Variants in ADAMTSL3 observed in about 807,000 individuals in gnomAD.
The protein encoded by ADAMTSL3 is ADAMTS-like protein 3.
Under a neutral mutation model 201.7 loss-of-function variants are expected in ADAMTSL3, and 128 were observed. That is an observed-to-expected ratio of 0.63 (90% confidence interval 0.55 to 0.73). ADAMTSL3 has a LOEUF of 0.73. Ranked by LOEUF, ADAMTSL3 falls within the 30% of genes least tolerant of loss-of-function variation. The pLI is 0.00. For missense variants in ADAMTSL3, 1,990 were observed against 2,119.6 expected (o/e 0.94, Z 1.20); for synonymous variants, 738 against 748.4 (o/e 0.99, Z 0.23).
At chr15:83,860,937 C>T (rs555499074) in intron 8 of ADAMTSL3, among the ~76,000 whole-genome samples, 20 of 152,286 alleles carry the variant, frequency 1.3e-4, no homozygotes, top group East Asian at 9.7e-4. Context: ...GGGTGACAGA[C>T]GGCACCTGGA....
At chr15:83,856,481 C>G (rs1040645299) in intron 7 of ADAMTSL3, among the ~76,000 whole-genome samples, 2 of 152,056 alleles carry the variant, frequency 1.3e-5, no homozygotes, top group African/African-American at 4.8e-5. Flanking sequence ...CTGGCCCCCT[C>G]CTTTTTTTTA....
intron 7 of ADAMTSL3, among the ~76,000 whole-genome samples, chr15:83,844,127 C>T (rs939913739): frequency 3.3e-5 from 5 of 152,204 alleles, no homozygotes; most frequent in African/African-American, 1.2e-4. Context: ...ACAAGATCGG[C>T]TTGTCTATTC....
At chr15:83,862,446 G>T (rs993608094) in intron 8 of ADAMTSL3, 1 of 152,204 alleles carries the variant, frequency 6.6e-6, no homozygotes, top group Non-Finnish European at 1.5e-5. Context: ...CAAGCCAGAA[G>T]AGAGTGGGGG....
chr15:83,992,642 C>CA (rs1318740476), intron 23 of ADAMTSL3, among the ~76,000 whole-genome samples: 1 of 152,184 alleles, frequency 6.6e-6, no homozygotes. Context: ...TTCACTTCCA[C>CA]AATACTTGAA....
intron 2 of ADAMTSL3, among the ~76,000 whole-genome samples, chr15:83,688,363 A>G (rs2061565006): frequency 6.6e-6 from 1 of 152,250 alleles, no homozygotes; most frequent in African/African-American, 2.4e-5. Context: ...CCATAACATG[A>G]AAAGAAAGCC....
At chr15:83,819,680 G>C in intron 5 of ADAMTSL3, 131 bp from the exon 6 acceptor site, 1 of 530,712 alleles carries the variant, frequency 1.9e-6, no homozygotes, top group South Asian at 2.8e-5. Context: ...AAAAAAAAAA[G>C]AGGGAATTAG....
chr15:83,655,962 A>G lies in ADAMTSL3; in HGVS notation c.69+132A>G, dbSNP rs1436892409. 9.5e-6 allele frequency: 9 copies of G among 952,162 alleles called. No homozygotes were observed. In the South Asian group the frequency reaches 9.6e-5, roughly 10 times the overall value. The allele number at this position is 952,162 out of a possible 1,614,324, so 59.0% of individuals were successfully genotyped here. ...ACCAGAGAACCAGACTTTCTTTCCT[A>G]TCTCTAGCCAATGGTATTTCTGGTT... On this transcript the variant is annotated intron_variant, in intron 2 of 29. Transcript: ENST00000286744.
rs913262878 is a variant in ADAMTSL3, at chr15:83,885,274, C to T, written c.1072+62C>T. 12 of 1,293,830 alleles carry T rather than the reference C, an allele frequency of 9.3e-6. No individual in the cohort carries two copies. The African/African-American group carries it at 1.8e-4, about 19-fold the overall frequency. The allele number at this position is 1,293,830 out of a possible 1,614,324, so 80.1% of individuals were successfully genotyped here. On this transcript the variant is annotated intron_variant, in intron 10 of 29. Transcript: ENST00000286744. The stretch of plus-strand genomic sequence containing the variant: ...CAGAGTTAGATAAATTAGACATTTA[C>T]ATTTTTGAAGCTGATTTTAAAATTG...
intron 3 of ADAMTSL3, among the ~76,000 whole-genome samples, chr15:83,743,386 G>A (rs1442272954): frequency 3.3e-5 from 5 of 151,718 alleles, no homozygotes; most frequent in African/African-American, 4.8e-5. Context: ...GGTGGCGGGC[G>A]CCTGTAGTCC....
chr15:83,695,252 G>GTGTGTT (rs1567078480), intron 2 of ADAMTSL3, among the ~76,000 whole-genome samples: 6 of 41,674 alleles, frequency 1.4e-4, no homozygotes, highest in African/African-American at 4.8e-4. Context: ...GTGTGTGTGT[G>GTGTGTT]TGTGTGTGTG....
intron 20 of ADAMTSL3, among the ~76,000 whole-genome samples, chr15:83,973,042 A>T (rs1425159767): frequency 6.6e-6 from 1 of 152,140 alleles, no homozygotes; most frequent in Non-Finnish European, 1.5e-5. Context: ...CTTCTTCAGG[A>T]CACACCACCA....
intron 16 of ADAMTSL3, among the ~76,000 whole-genome samples, chr15:83,920,461 C>A (rs531371431): frequency 6.6e-6 from 1 of 152,182 alleles, no homozygotes; most frequent in African/African-American, 2.4e-5. Flanking sequence ...TGAAGTGCTA[C>A]AAAACTTGCA....
chr15:83,891,442 T>A, intron 12 of ADAMTSL3, 63 bp downstream of exon 12: 1 of 1,371,954 alleles, frequency 7.3e-7, no homozygotes, highest in South Asian at 1.2e-5. Flanking sequence ...CTGTAGCATC[T>A]GTAGCAATAG....
At chr15:83,791,403 C>G (rs2063342522) in intron 4 of ADAMTSL3, among the ~76,000 whole-genome samples, 1 of 152,126 alleles carries the variant, frequency 6.6e-6, no homozygotes, top group Non-Finnish European at 1.5e-5. Flanking sequence ...TCCGATGGAA[C>G]AGTATACAGA....
intron 15 of ADAMTSL3, among the ~76,000 whole-genome samples, chr15:83,909,641 G>C (rs1388067416): frequency 3.3e-5 from 5 of 151,908 alleles, no homozygotes; most frequent in Non-Finnish European, 7.4e-5. Context: ...TTGAGGTGGA[G>C]TCTCACTGTG....
intron 6 of ADAMTSL3, among the ~76,000 whole-genome samples, chr15:83,831,682 A>G (rs764812792): frequency 6.6e-6 from 1 of 152,052 alleles, no homozygotes; most frequent in African/African-American, 2.4e-5. Flanking sequence ...GTGTGCCACC[A>G]CTGGCTAATT....
intron 8 of ADAMTSL3, among the ~76,000 whole-genome samples, chr15:83,866,273 G>A (rs140348208): frequency 2.0e-5 from 3 of 152,128 alleles, no homozygotes; most frequent in African/African-American, 7.2e-5. Context: ...ATACCCAAAG[G>A]ATTATAAATC....
chr15:84,038,324 A>G lies in ADAMTSL3; in HGVS notation c.*518A>G, dbSNP rs2068546594. On this transcript the variant is annotated 3_prime_UTR_variant, in exon 30 of 30. Transcript: ENST00000286744. ...ATAGATCCTTGGTTTAGTCTGTGAA[A>G]AAGAAACCATCTCTCTGGATAGGCT... is the stretch of plus-strand genomic sequence containing the variant. 6.5e-6 allele frequency: 1 copy of G among 152,886 alleles called. No individual in the cohort carries two copies. The highest frequency in any genetic ancestry group is 6.5e-5 in the Admixed American group (1 of 15,364). 9.5% of individuals were successfully genotyped at this position (152,886 alleles called of 1,614,324 possible).
chr15:83,695,425 C>T (rs1383997887), intron 2 of ADAMTSL3, among the ~76,000 whole-genome samples: 1 of 151,872 alleles, frequency 6.6e-6, no homozygotes, highest in Admixed American at 6.6e-5. Flanking sequence ...AGGAGCCTGT[C>T]CATGTAAACA....
Sources: allele counts gnomAD v4.1 joint callset (sites outside exome capture counted in the v4.1 genomes callset), GRCh38; gene constraint gnomAD v4.1.1; transcripts MANE v1.5; gene names NCBI Gene and HGNC (gene_info 2026-07-23, HGNC 2026-07-21).